Variants in GPR143 observed in about 807,000 individuals in gnomAD.
GPR143 encodes G protein-coupled receptor 143, also known as G-protein coupled receptor 143.
Under a neutral mutation model 27.6 loss-of-function variants are expected in GPR143, and 8 were observed. The ratio of observed to expected loss-of-function variants is 0.29; its 90% CI spans 0.17 to 0.52. GPR143 has a LOEUF of 0.52. Among genes scored for constraint, GPR143 ranks in the 20% least tolerant of loss-of-function variants. The probability of loss-of-function intolerance (pLI) is 0.96; values close to 1 mark genes in which losing one functional copy is unlikely to be tolerated. For synonymous variants in GPR143, 156 were observed against 153.2 expected (o/e 1.02, Z -0.13); for missense variants, 303 against 343.1 (o/e 0.88, Z 0.92).
intron 3 of GPR143, among the ~76,000 whole-genome samples, chrX:9,755,006 T>C (rs1258821798): frequency 8.9e-6 from 1 of 111,794 alleles, no homozygotes; most frequent in African/African-American, 3.3e-5. Context: ...GCTGATTACC[T>C]ACTCAAAGCC....
In GPR143 at chrX:9,736,775, C is replaced by T. The variant is rs763602229; in HGVS notation, c.1120+2710G>A. Among the ~76,000 whole-genome samples the T allele has an allele frequency of 4.0e-4, 45 of 112,589 alleles. 1 individual carries two copies. Among genetic ancestry groups the T allele is most frequent in the African/African-American group, 9.7e-5 (3 of 31,029 alleles). On this transcript the variant is annotated intron_variant, in intron 8 of 8. Coordinates refer to ENST00000467482, the MANE Select transcript of GPR143 (RefSeq NM_000273.3). ...AATACCGATTGTATTTCTCATTTTT[C>T]TCAAAAGGCTTTCCTTTTGTTCTTT...
chrX:9,731,884 A>G (rs1252192012), intron 8 of GPR143, among the ~76,000 whole-genome samples: 4 of 109,769 alleles, frequency 3.6e-5, no homozygotes, highest in Non-Finnish European at 7.6e-5. Context: ...GAAAGACTAG[A>G]GAGTTATGGG....
rs761647216 is a variant in GPR143 at position 9,759,340 on chromosome X, T to G, written c.447A>C (p.Ala149=). The change falls in exon 3 of 9, where the codon GCA becomes GCC. Residue 149 remains alanine (A), a synonymous_variant. Coordinates refer to ENST00000467482, the MANE Select transcript of GPR143 (RefSeq NM_000273.3). Reference sequence around the variant, plus strand: ...ATTTCCTCGGTGAATACCTCAGTCCTGCCGATCTCCGGATCACCAGATAAG... The same window carrying G: ...ATTTCCTCGGTGAATACCTCAGTCCGGCCGATCTCCGGATCACCAGATAAG... ...VDAYLVIRRS[A]GLSTILLYHI... 2.0e-5 allele frequency: 24 copies of G among 1,172,008 alleles called. No individual in the cohort carries two copies. The highest frequency in any genetic ancestry group is 1.4e-5 in the Non-Finnish European group (12 of 864,536).
At chrX:9,742,299 C>A (rs111451170) in intron 6 of GPR143, among the ~76,000 whole-genome samples, 9 of 111,317 alleles carry the variant, frequency 8.1e-5, no homozygotes, top group Non-Finnish European at 1.7e-4. Context: ...GACAAGGTCT[C>A]GCTCTGTCAC....
chrX:9,765,682 G>T lies in GPR143; in HGVS notation c.136C>A (p.Leu46Met). 1.9e-6 allele frequency: 2 copies of T among 1,060,092 alleles called. No individual in the cohort carries two copies. The highest frequency in any genetic ancestry group is 2.4e-6 in the Non-Finnish European group (2 of 822,856). The allele number at this position is 1,060,092 out of a possible 1,213,427, so 87.4% of individuals were successfully genotyped here. The change falls in exon 1 of 9, where the codon CTG becomes ATG. Residue 46 changes from leucine to methionine, a missense_variant. Coordinates refer to ENST00000467482, the MANE Select transcript of GPR143 (RefSeq NM_000273.3). ...SGGLRLALGL[L>M]QLLPGRRPAG... ...GGCCGGCGGCCGGGCAGCAGCTGCA[G>T]AAGGCCCAGCGCCAAGCGGAGCCCG... is the stretch of plus-strand genomic sequence containing the variant.
At chrX:9,734,986 C>G (rs2083372717) in intron 8 of GPR143, among the ~76,000 whole-genome samples, 1 of 111,822 alleles carries the variant, frequency 8.9e-6, no homozygotes, top group South Asian at 3.8e-4. Context: ...AGTAATGACT[C>G]TCTTCAGGAT....
At chrX:9,760,664 G>A in intron 2 of GPR143, 53 bp downstream of exon 2, 3 of 656,911 alleles carry the variant, frequency 4.6e-6, no homozygotes, top group Non-Finnish European at 7.4e-6. Context: ...CTGCTGCTGC[G>A]ATTTGAGGAG....
rs763682856 is a variant in GPR143, at chrX:9,754,868, GCTT to G, written c.455+4461_455+4463del. On this transcript the variant is annotated intron_variant, in intron 3 of 8. Transcript: ENST00000467482. ...CAGCTTCCTTCCAGCACTCTGAGAC[GCTT>G]CTTCTACCCATAACTGGCATCTATA... 5.8e-4 allele frequency among the ~76,000 whole-genome samples: 65 copies of G among 111,448 alleles called. 2 individuals carry two copies. In the East Asian group the frequency reaches 0.017, roughly 29 times the overall value.
intron 3 of GPR143, among the ~76,000 whole-genome samples, chrX:9,758,110 A>C (rs2083480738): frequency 9.0e-6 from 1 of 111,044 alleles, no homozygotes; most frequent in South Asian, 3.8e-4. Context: ...ACAGGCAAGG[A>C]GGGGCTCCCT....
chrX:9,743,754 T>C, intron 5 of GPR143, 81 bp from the exon 6 acceptor site: 1 of 632,190 alleles, frequency 1.6e-6, no homozygotes, highest in East Asian at 3.2e-5. Flanking sequence ...GAAGCAGGTG[T>C]GAGCCCACAA....
chrX:9,766,777 G>A (rs868047347), upstream of GPR143, among the ~76,000 whole-genome samples: 2 of 109,181 alleles, frequency 1.8e-5, no homozygotes, highest in African/African-American at 6.7e-5. Flanking sequence ...CGTGCTTGTA[G>A]CCCTAGCTTC....
chrX:9,735,797 A>G (rs139747334), intron 8 of GPR143, among the ~76,000 whole-genome samples: 50 of 112,124 alleles, frequency 4.5e-4, no homozygotes, highest in Middle Eastern at 4.6e-3. Flanking sequence ...GGTATGATGA[A>G]CAAGTTGAGC....
At chrX:9,734,699 A>G (rs1280520031) in intron 8 of GPR143, among the ~76,000 whole-genome samples, 1 of 111,979 alleles carries the variant, frequency 8.9e-6, no homozygotes, top group Non-Finnish European at 1.9e-5. Flanking sequence ...TCCTGCTCCC[A>G]TCAGAAATGC....
At chrX:9,739,829 C>A (rs950502690) in intron 7 of GPR143, 110 bp from the exon 8 acceptor site, 1 of 571,869 alleles carries the variant, frequency 1.7e-6, no homozygotes, top group African/African-American at 2.2e-5. Context: ...CAGGGCTGGA[C>A]TCGCTTGGAA....
chrX:9,738,423 A>G (rs2083387726), intron 8 of GPR143: 1 of 746,388 alleles, frequency 1.3e-6, no homozygotes, highest in Admixed American at 8.8e-5. Context: ...TACCAGACGG[A>G]AAGTCTGTAA....
upstream of GPR143, among the ~76,000 whole-genome samples, chrX:9,767,397 TC>T (rs1347497823): frequency 9.1e-6 from 1 of 110,389 alleles, no homozygotes; most frequent in Non-Finnish European, 1.9e-5. Flanking sequence ...GGTGCAGGTG[TC>T]CCCATTGTGT....
chrX:9,753,849 G>A (rs1193613947), intron 3 of GPR143, among the ~76,000 whole-genome samples: 1 of 111,924 alleles, frequency 8.9e-6, no homozygotes, highest in African/African-American at 3.2e-5. Flanking sequence ...CATGCTTCCC[G>A]AGAGGAGAGC....
At chrX:9,758,324 T>C (rs1172027133) in intron 3 of GPR143, among the ~76,000 whole-genome samples, 2 of 111,856 alleles carry the variant, frequency 1.8e-5, no homozygotes, top group African/African-American at 6.5e-5. Context: ...TTCTTAACCA[T>C]ATACAGGGGT....
intron 3 of GPR143, among the ~76,000 whole-genome samples, chrX:9,750,812 C>T (rs2083448256): frequency 8.9e-6 from 1 of 112,681 alleles, no homozygotes; most frequent in Non-Finnish European, 1.9e-5. Flanking sequence ...ATCCACCTGC[C>T]TTGGCCTCCC....
Sources: allele counts gnomAD v4.1 joint callset (sites outside exome capture counted in the v4.1 genomes callset), GRCh38; gene constraint gnomAD v4.1.1; transcripts MANE v1.5; gene names NCBI Gene and HGNC (gene_info 2026-07-23, HGNC 2026-07-21).